The following SLC24A3 variants were observed in gnomAD, a reference collection of about 807,000 sequenced individuals.
SLC24A3 encodes solute carrier family 24 member 3.
A neutral mutation model predicts 75.8 loss-of-function variants in SLC24A3; 28 were observed. The ratio of observed to expected loss-of-function variants is 0.37; its 90% CI spans 0.27 to 0.51. The LOEUF is 0.51. SLC24A3 is among the 20% of genes least tolerant of loss of function. The pLI is 0.94. For missense variants in SLC24A3, 663 were observed against 847.8 expected, an observed-to-expected ratio of 0.78 and a Z score of 2.71; for synonymous variants, 372 against 334.1, an observed-to-expected ratio of 1.11 and a Z score of -1.24.
chr20:19,714,999 C>T (rs1168232682), intron 15 of SLC24A3, among the ~76,000 whole-genome samples: 1 of 152,212 alleles, frequency 6.6e-6, no homozygotes. Context: ...CATTGCCCCT[C>T]TTAGAAGATA....
At chr20:19,714,773 C>G (rs1568708966) in intron 15 of SLC24A3, among the ~76,000 whole-genome samples, 3 of 152,214 alleles carry the variant, frequency 2.0e-5, no homozygotes, top group African/African-American at 4.8e-5. Flanking sequence ...CCACACTGTT[C>G]TTCGAGATTT....
At chr20:19,397,599 T>A (rs1398678410) in intron 2 of SLC24A3, among the ~76,000 whole-genome samples, 1 of 152,028 alleles carries the variant, frequency 6.6e-6, no homozygotes, top group Admixed American at 6.5e-5. Flanking sequence ...TGTTAGCTTT[T>A]TTCAAAATGT....
chr20:19,426,369 A>C (rs995702383), intron 2 of SLC24A3, among the ~76,000 whole-genome samples: 1 of 152,294 alleles, frequency 6.6e-6, no homozygotes, highest in East Asian at 1.9e-4. Context: ...ATGGGCGTAC[A>C]CTCAGAGGAC....
rs183511266 is a variant in SLC24A3 at position 19,456,495 on chromosome 20, C to T, written c.272-58993C>T. Among the ~76,000 whole-genome samples the T allele has an allele frequency of 7.7e-4, 118 of 152,312 alleles. 1 individual carries two copies. Among genetic ancestry groups the T allele is most frequent in the African/African-American group, 2.7e-3 (113 of 41,560 alleles). Reference sequence around the variant, plus strand: ...ACGGGACTTGCTCCTCCTTGCCTTCCACCAGGATTGTGAAGCTTCCCCAGC... The same window carrying T: ...ACGGGACTTGCTCCTCCTTGCCTTCTACCAGGATTGTGAAGCTTCCCCAGC... On this transcript the variant is annotated intron_variant, in intron 2 of 16. Coordinates refer to ENST00000328041, the MANE Select transcript of SLC24A3 (RefSeq NM_020689.4).
At chr20:19,275,039 C>T (rs1983441684) in intron 1 of SLC24A3, among the ~76,000 whole-genome samples, 1 of 152,226 alleles carries the variant, frequency 6.6e-6, no homozygotes, top group South Asian at 2.1e-4. Context: ...GTTTCTTCAT[C>T]TGCAAATGGG....
intron 3 of SLC24A3, among the ~76,000 whole-genome samples, chr20:19,530,546 T>A (rs920426447): frequency 2.6e-5 from 4 of 152,218 alleles, no homozygotes; most frequent in African/African-American, 9.6e-5. Flanking sequence ...TCACTTGCCC[T>A]TCAGGGTTTT....
intron 4 of SLC24A3, among the ~76,000 whole-genome samples, chr20:19,581,772 C>T (rs926298692): frequency 6.6e-6 from 1 of 152,158 alleles, no homozygotes; most frequent in African/African-American, 2.4e-5. Context: ...ACTATTTGAG[C>T]CCAAGTCAGC....
At chr20:19,664,858 A>G (rs183899593) in intron 7 of SLC24A3, among the ~76,000 whole-genome samples, 2 of 152,236 alleles carry the variant, frequency 1.3e-5, no homozygotes, top group Non-Finnish European at 2.9e-5. Flanking sequence ...GGTTTCGGCA[A>G]CATGTCATCA....
At chr20:19,561,291 G>A (rs1034393774) in intron 3 of SLC24A3, among the ~76,000 whole-genome samples, 8 of 152,154 alleles carry the variant, frequency 5.3e-5, no homozygotes, top group African/African-American at 1.9e-4. Flanking sequence ...GACACCATCC[G>A]CTTTTCAGTT....
chr20:19,315,541 G>GAACCTCCCT (rs1797034854), intron 2 of SLC24A3, among the ~76,000 whole-genome samples: 1 of 152,002 alleles, frequency 6.6e-6, no homozygotes, highest in Non-Finnish European at 1.5e-5. Flanking sequence ...GCAGATCCCT[G>GAACCTCCCT]AACCTCCCTG....
chr20:19,235,570 C>A (rs1600386569), intron 1 of SLC24A3, among the ~76,000 whole-genome samples: 1 of 152,274 alleles, frequency 6.6e-6, no homozygotes, highest in African/African-American at 2.4e-5. Flanking sequence ...AGCGTCTCTC[C>A]CATGGCTCCT....
chr20:19,231,404 C>T (rs1001841804), intron 1 of SLC24A3, among the ~76,000 whole-genome samples: 2 of 152,156 alleles, frequency 1.3e-5, no homozygotes, highest in African/African-American at 4.8e-5. Flanking sequence ...GTGAGATGAT[C>T]CTGGATTATC....
chr20:19,669,107 T>C (rs892887541), intron 8 of SLC24A3, among the ~76,000 whole-genome samples: 40 of 152,306 alleles, frequency 2.6e-4, no homozygotes, highest in African/African-American at 9.6e-4. Context: ...CTCCATTTGC[T>C]GCCTCAACCT....
chr20:19,291,967 T>A (rs2122236320), intron 2 of SLC24A3, among the ~76,000 whole-genome samples: 1 of 152,324 alleles, frequency 6.6e-6, no homozygotes, highest in East Asian at 1.9e-4. Flanking sequence ...CCACCCTGTC[T>A]TGGGGTCATG....
intron 2 of SLC24A3, among the ~76,000 whole-genome samples, chr20:19,291,013 G>A (rs536215916): frequency 6.6e-6 from 1 of 152,338 alleles, no homozygotes; most frequent in Non-Finnish European, 1.5e-5. Context: ...TTGTATTGAA[G>A]TCAACAGGGA....
At chr20:19,666,758 C>T (rs896233412) in intron 8 of SLC24A3, among the ~76,000 whole-genome samples, 2 of 151,936 alleles carry the variant, frequency 1.3e-5, no homozygotes, top group African/African-American at 2.4e-5. Context: ...CCGAGGTGGG[C>T]GGATCACCTG....
intron 2 of SLC24A3, among the ~76,000 whole-genome samples, chr20:19,378,269 G>A (rs536517315): frequency 1.5e-4 from 23 of 151,962 alleles, no homozygotes; most frequent in Non-Finnish European, 2.8e-4. Flanking sequence ...CACAGAGCTT[G>A]GCCTACGTAG....
chr20:19,337,432 G>A lies in SLC24A3; in HGVS notation c.271+56345G>A, dbSNP rs546729035. On this transcript the variant is annotated intron_variant, in intron 2 of 16. Transcript: ENST00000328041. ...GCACTCCAGCCTGGGCAACAAGAGC[G>A]AAACTCCATCTCAAAATAAGTAAAT... Among the ~76,000 whole-genome samples, 17 of 150,594 alleles carry A rather than the reference G, an allele frequency of 1.1e-4. No homozygotes were observed. In the South Asian group the frequency reaches 2.5e-3, roughly 23 times the overall value.
At chr20:19,216,367 G>A (rs374706622) in intron 1 of SLC24A3, among the ~76,000 whole-genome samples, 7 of 152,102 alleles carry the variant, frequency 4.6e-5, no homozygotes, top group East Asian at 1.9e-4. Flanking sequence ...TTTCTCTCTA[G>A]AAGGTTCTCA....
Sources: gnomAD v4.1 joint callset for allele counts (sites outside exome capture counted in the v4.1 genomes callset) on GRCh38, gnomAD v4.1.1 for gene constraint, MANE v1.5 for transcripts, NCBI Gene and HGNC (gene_info 2026-07-23, HGNC 2026-07-21) for gene names.